Variants in ATL2 observed in about 807,000 individuals in gnomAD.
ATL2 encodes atlastin GTPase 2.
In ATL2, 31 loss-of-function variants were observed where a neutral mutation model predicts 73.9. The observed-to-expected ratio is 0.42, with a 90% confidence interval of 0.32 to 0.57. The LOEUF (loss-of-function observed/expected upper bound fraction) is 0.57, where lower values mean the gene tolerates loss of function less well. Among genes scored for constraint, ATL2 ranks in the 20% least tolerant of loss-of-function variants. The pLI, the probability that ATL2 is intolerant of heterozygous loss-of-function variation, is 0.14. For missense variants in ATL2, 738 were observed against 702.6 expected (o/e 1.05, Z -0.57); for synonymous variants, 291 against 237.5 (o/e 1.23, Z -2.07).
intron 8 of ATL2, 73 bp downstream of exon 8, chr2:38,310,236 T>C: frequency 6.6e-7 from 1 of 1,510,950 alleles, no homozygotes; most frequent in Non-Finnish European, 9.1e-7. Flanking sequence ...ATTTAAGGCG[T>C]CATGTATTTT....
chr2:38,373,574 T>C (rs899604342), intron 1 of ATL2, among the ~76,000 whole-genome samples: 2 of 152,208 alleles, frequency 1.3e-5, no homozygotes, highest in Admixed American at 1.3e-4. Context: ...GTAACTATCA[T>C]CCGACCATAC....
At chr2:38,343,040 C>T (rs181293839) in intron 2 of ATL2, among the ~76,000 whole-genome samples, 7 of 146,406 alleles carry the variant, frequency 4.8e-5, no homozygotes, top group South Asian at 2.2e-4. Context: ...CCTAGCTTCT[C>T]GGGAGGCTGA....
At chr2:38,345,062 T>C (rs1430821439) in intron 1 of ATL2, among the ~76,000 whole-genome samples, 1 of 152,188 alleles carries the variant, frequency 6.6e-6, no homozygotes, top group Non-Finnish European at 1.5e-5. Flanking sequence ...AGAGGACACA[T>C]ACCTTGTCTG....
chr2:38,376,255 G>C, intron 1 of ATL2: 5 of 1,419,364 alleles, frequency 3.5e-6, no homozygotes, highest in Admixed American at 2.6e-5. Context: ...CCTATAAATA[G>C]GGGTGTTATG....
At chr2:38,363,918 G>A (rs1671153970) in intron 1 of ATL2, among the ~76,000 whole-genome samples, 1 of 152,148 alleles carries the variant, frequency 6.6e-6, no homozygotes, top group Non-Finnish European at 1.5e-5. Flanking sequence ...AAGACATTCT[G>A]AAGACGGCTG....
intron 1 of ATL2, among the ~76,000 whole-genome samples, chr2:38,373,756 A>C (rs1408622074): frequency 6.6e-6 from 1 of 152,216 alleles, no homozygotes; most frequent in African/African-American, 2.4e-5. Context: ...TGCACTTCTG[A>C]ATACTTCATG....
intron 2 of ATL2, among the ~76,000 whole-genome samples, chr2:38,325,625 C>T (rs1344172948): frequency 6.0e-5 from 4 of 66,926 alleles, no homozygotes; most frequent in African/African-American, 3.1e-4. Context: ...CACACCAGTA[C>T]ATACACACAC....
intron 4 of ATL2, 140 bp from the exon 5 acceptor site, chr2:38,315,474 CAT>C: frequency 1.2e-6 from 1 of 830,698 alleles, no homozygotes; most frequent in Non-Finnish European, 1.8e-6. Context: ...TGACAACTGA[CAT>C]GTGAAAAGGA....
intron 1 of ATL2, among the ~76,000 whole-genome samples, chr2:38,356,053 A>G (rs1250481110): frequency 6.6e-6 from 1 of 152,014 alleles, no homozygotes; most frequent in African/African-American, 2.4e-5. Context: ...ACAAAAAATT[A>G]CTATTAAGAA....
At chr2:38,365,167 AT>A (rs1307113799) in intron 1 of ATL2, among the ~76,000 whole-genome samples, 1 of 132,620 alleles carries the variant, frequency 7.5e-6, no homozygotes, top group African/African-American at 3.8e-5. Flanking sequence ...ACACACACAA[AT>A]ACACACACAC....
intron 8 of ATL2, 150 bp from the exon 9 acceptor site, chr2:38,309,656 T>G: frequency 1.2e-6 from 1 of 815,672 alleles, no homozygotes; most frequent in South Asian, 2.0e-5. Flanking sequence ...TCATCCAACA[T>G]GCCATATCTC....
chr2:38,377,742 C>T (rs1672075807), upstream of ATL2, among the ~76,000 whole-genome samples: 4 of 151,924 alleles, frequency 2.6e-5, no homozygotes, highest in South Asian at 6.2e-4. Context: ...ATCGCCCCCT[C>T]CTCATCACAG....
intron 1 of ATL2, among the ~76,000 whole-genome samples, chr2:38,357,103 G>C (rs1236654151): frequency 6.6e-6 from 1 of 152,022 alleles, no homozygotes; most frequent in African/African-American, 2.4e-5. Context: ...GCCGAGGCAG[G>C]TGGATCATGA....
intron 1 of ATL2, among the ~76,000 whole-genome samples, chr2:38,360,507 C>A (rs898456445): frequency 6.6e-6 from 1 of 152,120 alleles, no homozygotes; most frequent in African/African-American, 2.4e-5. Context: ...GTCTCAAACT[C>A]CTGGACTAAA....
Position 38,299,346 on chromosome 2 carries a change from CATT to C in ATL2, c.1129-22_1129-20del, listed in dbSNP as rs1327286734. 1.5e-5 allele frequency: 23 copies of C among 1,514,498 alleles called. No individual in the cohort carries two copies. The highest frequency in any genetic ancestry group is 1.7e-4 in the Middle Eastern group (1 of 5,772). 93.8% of individuals were successfully genotyped at this position (1,514,498 alleles called of 1,614,324 possible). A position where few individuals can be genotyped will look rare whatever the true frequency, so the allele number is the denominator to read the frequency against. Reference sequence around the variant, plus strand: ...CTGTTGCCTAAAAAATAAAATATGCCATTATTATGCAAAAAATACTCTATGACT... The same window carrying C: ...CTGTTGCCTAAAAAATAAAATATGCCATTATGCAAAAAATACTCTATGACT... On this transcript the variant is annotated intron_variant, in intron 10 of 12. Coordinates refer to ENST00000378954, the MANE Select transcript of ATL2 (RefSeq NM_001135673.4).
intron 1 of ATL2, among the ~76,000 whole-genome samples, chr2:38,345,947 G>GCA (rs1255409490): frequency 5.3e-5 from 8 of 152,184 alleles, no homozygotes; most frequent in African/African-American, 1.9e-4. Flanking sequence ...TACGCAGTAA[G>GCA]CACCATAGGT....
intron 1 of ATL2, among the ~76,000 whole-genome samples, chr2:38,370,011 G>A (rs1395373647): frequency 6.6e-6 from 1 of 151,144 alleles, no homozygotes; most frequent in Non-Finnish European, 1.5e-5. Flanking sequence ...AAAATTAGCC[G>A]GGCGAGGTGG....
chr2:38,322,101 C>G (rs963246610), intron 2 of ATL2, among the ~76,000 whole-genome samples: 1 of 151,928 alleles, frequency 6.6e-6, no homozygotes, highest in African/African-American at 2.4e-5. Context: ...AGGCTACAAA[C>G]AATCATCTTT....
intron 4 of ATL2, among the ~76,000 whole-genome samples, chr2:38,316,698 G>C (rs1300721674): frequency 6.6e-6 from 1 of 152,044 alleles, no homozygotes; most frequent in Non-Finnish European, 1.5e-5. Context: ...CCACATCCAA[G>C]ATAGGCAAGA....
Sources: gnomAD v4.1 joint callset for allele counts (sites outside exome capture counted in the v4.1 genomes callset) on GRCh38, gnomAD v4.1.1 for gene constraint, MANE v1.5 for transcripts, NCBI Gene and HGNC (gene_info 2026-07-23, HGNC 2026-07-21) for gene names.